The following UBR3 variants were observed in gnomAD, a reference collection of about 807,000 sequenced individuals.
UBR3 encodes the protein E3 ubiquitin-protein ligase UBR3.
A neutral mutation model predicts 243.2 loss-of-function variants in UBR3; 85 were observed. The observed-to-expected ratio is 0.35, with a 90% CI of 0.29 to 0.42. UBR3 has a LOEUF of 0.42. Among genes scored for constraint, UBR3 ranks in the 10% least tolerant of loss-of-function variants. UBR3 has a pLI of 1.00. For missense variants in UBR3, 1,686 were observed against 2,300.8 expected, an observed-to-expected ratio of 0.73 and a Z score of 5.47; for synonymous variants, 748 against 799.8, an observed-to-expected ratio of 0.94 and a Z score of 1.09.
intron 1 of UBR3, among the ~76,000 whole-genome samples, chr2:169,838,523 C>A (rs561004004): frequency 6.6e-4 from 100 of 151,642 alleles, no homozygotes; most frequent in Non-Finnish European, 1.3e-3. Context: ...TAGTTCCCTC[C>A]AGCACTTGCT....
At chr2:169,963,491 A>AT (rs1038077644) in intron 24 of UBR3, among the ~76,000 whole-genome samples, 23 of 150,346 alleles carry the variant, frequency 1.5e-4, no homozygotes, top group East Asian at 9.7e-4. Context: ...ATATTTCTTC[A>AT]TTTTTTTTTC....
chr2:170,015,535 ATATT>A (rs1354205306), intron 30 of UBR3, among the ~76,000 whole-genome samples, 169 bp downstream of exon 30: 1 of 151,912 alleles, frequency 6.6e-6, no homozygotes, highest in African/African-American at 2.4e-5. Flanking sequence ...AATCATATGG[ATATT>A]TAGCTCTTTC....
At chr2:170,013,938 A>G (rs752717733) in intron 29 of UBR3, 13 of 469,232 alleles carry the variant, frequency 2.8e-5, no homozygotes, top group Non-Finnish European at 4.9e-5. Context: ...CTTTCTGTCC[A>G]CTAGTATGAA....
intron 35 of UBR3, among the ~76,000 whole-genome samples, chr2:170,072,503 C>T (rs1337706135): frequency 6.6e-6 from 1 of 151,998 alleles, no homozygotes; most frequent in Non-Finnish European, 1.5e-5. Flanking sequence ...AGCACATCAG[C>T]ATGGCACATA....
intron 30 of UBR3, among the ~76,000 whole-genome samples, chr2:170,015,694 T>C (rs1046688000): frequency 3.3e-5 from 5 of 151,920 alleles, no homozygotes; most frequent in Non-Finnish European, 7.4e-5. Context: ...GAAAATATTT[T>C]TATAAAGACA....
In UBR3 at chr2:170,029,410, C is replaced by T. The variant is rs768302771; in HGVS notation, c.4518C>T (p.Pro1506=). 6.8e-6 allele frequency: 11 copies of T among 1,611,472 alleles called. No homozygotes were observed. In the Middle Eastern group the frequency reaches 1.7e-3, roughly 242 times the overall value. Residue 1506 remains proline, a synonymous_variant, in exon 31 of 39, where the codon CCC becomes CCT. Coordinates refer to ENST00000272793, the MANE Select transcript of UBR3 (RefSeq NM_172070.4). ...ATAGCATTGACTCTGAGTATAATCC[C>T]TGGAGAAAGCTCACCCAGTTAGAAG... is the stretch of plus-strand genomic sequence containing the variant. ...RLYSIDSEYN[P]WRKLTQLEEM...
intron 25 of UBR3, among the ~76,000 whole-genome samples, chr2:169,988,337 G>C (rs1035163691): frequency 1.3e-5 from 2 of 152,100 alleles, no homozygotes; most frequent in Non-Finnish European, 2.9e-5. Flanking sequence ...TGAAACTTAT[G>C]TTCTTGTTTT....
In UBR3 at chr2:169,897,509, T is replaced by G. The variant is rs577995220; in HGVS notation, c.1465+774T>G. Among the ~76,000 whole-genome samples the G allele has an allele frequency of 3.9e-5, 6 of 152,250 alleles. No individual in the cohort carries two copies. In the South Asian group the frequency reaches 1.2e-3, roughly 32 times the overall value. Reference sequence around the variant, plus strand: ...TAAATACATACATAATTTTTATTATTATTTTTTGAGACAGAGTCTTGCTCT... The same window carrying G: ...TAAATACATACATAATTTTTATTATGATTTTTTGAGACAGAGTCTTGCTCT... On this transcript the variant is annotated intron_variant, in intron 8 of 38. Transcript: ENST00000272793.
intron 1 of UBR3, among the ~76,000 whole-genome samples, chr2:169,859,636 C>A (rs2083017035): frequency 6.6e-6 from 1 of 151,978 alleles, no homozygotes; most frequent in African/African-American, 2.4e-5. Context: ...ATTCACTGAT[C>A]TGTTTTTTCT....
At chr2:170,003,612 C>G (rs1226569883) in intron 27 of UBR3, among the ~76,000 whole-genome samples, 8 of 152,020 alleles carry the variant, frequency 5.3e-5, no homozygotes. Context: ...AGTTACAGTA[C>G]GCATGCTAAA....
At chr2:169,907,482 A>G (rs2085062885) in intron 10 of UBR3, among the ~76,000 whole-genome samples, 1 of 152,172 alleles carries the variant, frequency 6.6e-6, no homozygotes, top group African/African-American at 2.4e-5. Context: ...CTTTCGTTCT[A>G]GAAATATTCC....
At chr2:169,987,408 AC>A (rs371435462) in intron 25 of UBR3, among the ~76,000 whole-genome samples, 1 of 147,858 alleles carries the variant, frequency 6.8e-6, no homozygotes, top group African/African-American at 2.5e-5. Flanking sequence ...AAAAAAAAAA[AC>A]AAAAAAAAAA....
chr2:169,934,329 A>C (rs1046583751), intron 19 of UBR3, among the ~76,000 whole-genome samples: 2 of 152,344 alleles, frequency 1.3e-5, no homozygotes, highest in Admixed American at 6.5e-5. Flanking sequence ...ATGTATAAGA[A>C]TTAAGTAAAT....
chr2:170,061,273 CTT>C (rs1272897997), intron 34 of UBR3, 43 bp from the exon 35 acceptor site: 1 of 1,593,296 alleles, frequency 6.3e-7, no homozygotes, highest in Non-Finnish European at 8.5e-7. Context: ...TTTAAAAACT[CTT>C]TATTGTAGAC....
At chr2:169,909,741 G>GTA (rs34263331) in intron 10 of UBR3, among the ~76,000 whole-genome samples, 66,486 of 149,450 alleles carry the variant, frequency 0.44, 15,875 homozygotes, top group Non-Finnish European at 0.56. Flanking sequence ...GTGTGTGTGT[G>GTA]TATATATATA....
intron 11 of UBR3, among the ~76,000 whole-genome samples, chr2:169,917,431 C>T (rs1432419922): frequency 6.6e-6 from 1 of 152,100 alleles, no homozygotes; most frequent in Non-Finnish European, 1.5e-5. Context: ...ATAGTAGCAT[C>T]AGTAAGACAA....
chr2:170,054,524 C>T (rs1437835043), intron 32 of UBR3, among the ~76,000 whole-genome samples: 3 of 151,908 alleles, frequency 2.0e-5, no homozygotes, highest in Admixed American at 1.3e-4. Context: ...CCTTGTGATC[C>T]GCCCACCTCA....
chr2:170,047,274 T>C (rs907063994), intron 32 of UBR3, among the ~76,000 whole-genome samples: 1 of 152,108 alleles, frequency 6.6e-6, no homozygotes, highest in African/African-American at 2.4e-5. Context: ...CCTCCCAAGG[T>C]GCTGGAATTA....
At chr2:169,895,133 A>G in intron 6 of UBR3, 48 bp from the exon 7 acceptor site, 1 of 1,455,314 alleles carries the variant, frequency 6.9e-7, no homozygotes, top group African/African-American at 1.4e-5. Context: ...ATAAAATGAG[A>G]TGAGCAACTT....
Sources: allele counts gnomAD v4.1 joint callset (sites outside exome capture counted in the v4.1 genomes callset), GRCh38; gene constraint gnomAD v4.1.1; transcripts MANE v1.5; gene names NCBI Gene and HGNC (gene_info 2026-07-23, HGNC 2026-07-21).